ACSM3: variants seen among roughly 807,000 people sequenced by gnomAD.
The protein encoded by ACSM3 is acyl-CoA synthetase medium chain family member 3, also known as acyl-coenzyme A synthetase ACSM3, mitochondrial.
A neutral mutation model predicts 74.1 loss-of-function variants in ACSM3; 61 were observed. The ratio of observed to expected loss-of-function variants is 0.82; its 90% CI spans 0.67 to 1.02. ACSM3 has a LOEUF of 1.02. ACSM3 is among the 50% of genes least tolerant of loss of function. The pLI is 0.00. For synonymous variants in ACSM3, 213 were observed against 241.5 expected, an observed-to-expected ratio of 0.88 and a Z score of 1.09; for missense variants, 660 against 697.0, an observed-to-expected ratio of 0.95 and a Z score of 0.60.
Position 20,705,929 on chromosome 16 carries a change from A to G in ACSM3, c.-190+31107A>G, listed in dbSNP as rs2079726097. On this transcript the variant is annotated intron_variant, in intron 1 of 3. Transcript: ENST00000561584. ...AATTGAGACTATTTAAGAATGTATTACTCTAAATTAAAAATGAACTTAATG... is the reference window on the plus strand; with the variant it reads ...AATTGAGACTATTTAAGAATGTATTGCTCTAAATTAAAAATGAACTTAATG... Among the ~76,000 whole-genome samples the G allele has an allele frequency of 3.9e-5, 6 of 152,304 alleles. No homozygotes were observed. In the South Asian group the frequency reaches 1.2e-3, roughly 32 times the overall value.
chr16:20,792,768 T>G (rs2080630173), intron 12 of ACSM3: 1 of 941,110 alleles, frequency 1.1e-6, no homozygotes, highest in Non-Finnish European at 1.3e-6. Context: ...AGGCTGGAAC[T>G]GAGGTAACCA....
chr16:20,686,433 C>G (rs1248957345), intron 1 of ACSM3, among the ~76,000 whole-genome samples: 3 of 152,068 alleles, frequency 2.0e-5, no homozygotes, highest in African/African-American at 7.2e-5. Context: ...TTCCCACTTA[C>G]ACAGGCAGGG....
At chr16:20,729,014 G>A (rs946034740) in intron 1 of ACSM3, among the ~76,000 whole-genome samples, 5 of 152,180 alleles carry the variant, frequency 3.3e-5, no homozygotes, top group Admixed American at 6.5e-5. Flanking sequence ...AGGCTGAGGC[G>A]ACAGGATTGC....
intron 4 of ACSM3, among the ~76,000 whole-genome samples, chr16:20,778,610 T>C (rs1056052254): frequency 6.6e-6 from 1 of 152,088 alleles, no homozygotes; most frequent in African/African-American, 2.4e-5. Flanking sequence ...AGAGCTAAGT[T>C]TCAAACCCAG....
At chr16:20,689,482 G>A (rs2079614523) in intron 1 of ACSM3, among the ~76,000 whole-genome samples, 1 of 151,626 alleles carries the variant, frequency 6.6e-6, no homozygotes, top group Admixed American at 6.6e-5. Flanking sequence ...AAATGTAAGT[G>A]GACTAAACTC....
intron 2 of ACSM3, chr16:20,750,087 C>T (rs2079978333): frequency 6.6e-6 from 1 of 152,070 alleles, no homozygotes; most frequent in African/African-American, 2.4e-5. Flanking sequence ...ATTGTGGAAT[C>T]ATTCCAAAAG....
At chr16:20,698,531 C>T (rs1259032711) in intron 1 of ACSM3, among the ~76,000 whole-genome samples, 1 of 152,090 alleles carries the variant, frequency 6.6e-6, no homozygotes, top group African/African-American at 2.4e-5. Flanking sequence ...GCTTTTGAGA[C>T]AGAATCTCAT....
chr16:20,796,315 C>T, intron 12 of ACSM3, 55 bp from the exon 13 acceptor site: 2 of 1,589,536 alleles, frequency 1.3e-6, no homozygotes, highest in Non-Finnish European at 1.7e-6. Context: ...ACAAGACATA[C>T]TAAAACATAC....
At chr16:20,772,831 G>A (rs895885800) in intron 2 of ACSM3, among the ~76,000 whole-genome samples, 6 of 152,218 alleles carry the variant, frequency 3.9e-5, no homozygotes, top group African/African-American at 1.4e-4. Flanking sequence ...GCCGGGCATG[G>A]TGGTGCATGC....
rs543909407 is a variant in ACSM3, at chr16:20,685,144, G to T, written c.-190+10322G>T. On this transcript the variant is annotated intron_variant, in intron 1 of 3. Transcript: ENST00000561584. ...AGCACCTAATATCTCAGGACCCATTGGTTCTAGAACAGCCCCGAGGTCCAC... is the reference window on the plus strand; with the variant it reads ...AGCACCTAATATCTCAGGACCCATTTGTTCTAGAACAGCCCCGAGGTCCAC... 5 of 1,597,036 alleles carry T rather than the reference G, an allele frequency of 3.1e-6. No individual in the cohort carries two copies. In the East Asian group the frequency reaches 1.1e-4, roughly 36 times the overall value.
chr16:20,676,867 A>AT (rs1227960382), intron 1 of ACSM3, among the ~76,000 whole-genome samples: 2 of 152,176 alleles, frequency 1.3e-5, no homozygotes, highest in South Asian at 2.1e-4. Flanking sequence ...AGGCCATGGT[A>AT]TAAAAAAAAA....
chr16:20,765,090 G>C (rs1462215392), intron 1 of ACSM3, among the ~76,000 whole-genome samples: 1 of 152,154 alleles, frequency 6.6e-6, no homozygotes, highest in Non-Finnish European at 1.5e-5. Context: ...TTGGCTGTAG[G>C]GACAAAGAGC....
chr16:20,704,914 G>C (rs1189075825), intron 1 of ACSM3, among the ~76,000 whole-genome samples: 5 of 152,160 alleles, frequency 3.3e-5, no homozygotes, highest in Admixed American at 6.5e-5. Flanking sequence ...ATGAGTATTG[G>C]TGGCACAGAT....
intron 1 of ACSM3, among the ~76,000 whole-genome samples, chr16:20,713,169 T>C (rs2079749646): frequency 6.6e-6 from 1 of 152,190 alleles, no homozygotes. Flanking sequence ...GAGATAATGA[T>C]AGTATCTACC....
chr16:20,743,691 G>C (rs1252306913), intron 1 of ACSM3: 1 of 152,160 alleles, frequency 6.6e-6, no homozygotes, highest in Non-Finnish European at 1.5e-5. Flanking sequence ...ATTCAATACA[G>C]CATTTAATTT....
At chr16:20,757,138 G>T (rs2080038328) in intron 3 of ACSM3, among the ~76,000 whole-genome samples, 1 of 152,004 alleles carries the variant, frequency 6.6e-6, no homozygotes, top group Non-Finnish European at 1.5e-5. Context: ...GGTTCCATAT[G>T]AACTTTAAAG....
chr16:20,771,199 C>T (rs1211867864), intron 2 of ACSM3, among the ~76,000 whole-genome samples: 3 of 152,004 alleles, frequency 2.0e-5, no homozygotes, highest in East Asian at 1.9e-4. Context: ...GTAGCCGGGA[C>T]TACAGGCACC....
intron 9 of ACSM3, chr16:20,789,381 T>G: frequency 2.4e-6 from 2 of 846,262 alleles, no homozygotes; most frequent in Non-Finnish European, 2.0e-6. Context: ...TTACTTAGCA[T>G]GTATTAAGTA....
chr16:20,691,088 T>C (rs1206284499), intron 1 of ACSM3: 1 of 1,613,690 alleles, frequency 6.2e-7, no homozygotes, highest in Non-Finnish European at 8.5e-7. Flanking sequence ...GGCTCCAAAT[T>C]CTGATAAAGA....
Sources: gnomAD v4.1 joint callset for allele counts (sites outside exome capture counted in the v4.1 genomes callset) on GRCh38, gnomAD v4.1.1 for gene constraint, MANE v1.5 for transcripts, NCBI Gene and HGNC (gene_info 2026-07-23, HGNC 2026-07-21) for gene names.